ATP10B: variants seen among roughly 807,000 people sequenced by gnomAD.
ATP10B encodes phospholipid-transporting ATPase VB.
A neutral mutation model predicts 141.2 loss-of-function variants in ATP10B; 122 were observed. That is an observed-to-expected ratio of 0.86 (90% CI 0.75 to 1.00). The LOEUF (loss-of-function observed/expected upper bound fraction) is 1.00, where lower values mean the gene tolerates loss of function less well. Ranked by LOEUF, ATP10B falls within the 50% of genes least tolerant of loss-of-function variation. ATP10B has a pLI of 0.00. For synonymous variants in ATP10B, 685 were observed against 692.0 expected, an observed-to-expected ratio of 0.99 and a Z score of 0.16; for missense variants, 1,876 against 1,825.3, an observed-to-expected ratio of 1.03 and a Z score of -0.51.
the ATP10B span, among the ~76,000 whole-genome samples, chr5:160,875,758 TA>T: frequency 1.6e-5 from 1 of 61,514 alleles, no homozygotes; most frequent in Non-Finnish European, 4.4e-5. Context: ...AAACAGACTT[TA>T]AACCAACAAA....
chr5:160,649,540 T>C (rs1192283757), intron 7 of ATP10B, among the ~76,000 whole-genome samples: 2 of 152,214 alleles, frequency 1.3e-5, no homozygotes, highest in Non-Finnish European at 2.9e-5. Flanking sequence ...CTAATAGAAC[T>C]TACTGCAATG....
At chr5:160,771,986 T>G (rs1362423144) in intron 2 of ATP10B, among the ~76,000 whole-genome samples, 2 of 152,258 alleles carry the variant, frequency 1.3e-5, no homozygotes, top group Non-Finnish European at 2.9e-5. Flanking sequence ...GGGAAGCCCC[T>G]CCAAGGGCTT....
intron 6 of ATP10B, among the ~76,000 whole-genome samples, chr5:160,672,899 C>G (rs527651612): frequency 1.4e-4 from 21 of 152,346 alleles, no homozygotes; most frequent in African/African-American, 4.3e-4. Context: ...GACAAGTCTT[C>G]CTAAGATCCA....
chr5:160,777,933 G>GA (rs929583454), intron 2 of ATP10B, among the ~76,000 whole-genome samples: 1 of 151,702 alleles, frequency 6.6e-6, no homozygotes, highest in African/African-American at 2.4e-5. Context: ...AGTAACAGGT[G>GA]AAAAAAACCA....
intron 9 of ATP10B, among the ~76,000 whole-genome samples, chr5:160,642,464 G>C (rs1759941220): frequency 6.6e-6 from 1 of 152,114 alleles, no homozygotes; most frequent in African/African-American, 2.4e-5. Flanking sequence ...GCTCTCACCA[G>C]GAGTGATTTT....
chr5:160,656,375 G>A (rs1761491406), intron 7 of ATP10B, among the ~76,000 whole-genome samples: 1 of 152,160 alleles, frequency 6.6e-6, no homozygotes, highest in South Asian at 2.1e-4. Flanking sequence ...TGACTCAAGG[G>A]AGGAAAAGAA....
At chr5:160,800,138 C>A (rs536208846) in intron 1 of ATP10B, among the ~76,000 whole-genome samples, 71 of 152,238 alleles carry the variant, frequency 4.7e-4, no homozygotes, top group African/African-American at 1.5e-3. Context: ...TTGGCTGGTA[C>A]TTCATATACA....
intron 6 of ATP10B, among the ~76,000 whole-genome samples, chr5:160,675,857 A>C (rs558336260): frequency 6.8e-4 from 83 of 121,450 alleles, no homozygotes; most frequent in Admixed American, 3.0e-3. Context: ...AGCTGAGGCC[A>C]GAGAAGCAGG....
chr5:160,632,293 AG>A lies in ATP10B; in HGVS notation c.1455del (p.Ser486ArgfsTer11). On this transcript the variant is annotated frameshift_variant, in exon 13 of 26. Transcript: ENST00000327245. LOFTEE classifies it high-confidence loss of function. Reference sequence around the variant, plus strand: ...GCTGGATCCTGGGCCCATCTAGCCGAGAAGGACAGGCATTGGTATTGGGTCC... The same window carrying A: ...GCTGGATCCTGGGCCCATCTAGCCGAAAGGACAGGCATTGGTATTGGGTCC... ...EEWTQYQCLS[F>X]SARWAQDPAT... 6.2e-7 allele frequency: 1 copy of A among 1,614,168 alleles called. No homozygotes were observed. Among genetic ancestry groups the A allele is most frequent in the Non-Finnish European group, 8.5e-7 (1 of 1,180,020 alleles).
the ATP10B span, among the ~76,000 whole-genome samples, chr5:160,911,231 C>T: frequency 6.6e-6 from 1 of 152,140 alleles, no homozygotes; most frequent in Non-Finnish European, 1.5e-5. Flanking sequence ...GCTCAGAGGA[C>T]AAAGGAGATA....
chr5:160,624,347 G>T (rs1758504277), intron 13 of ATP10B, among the ~76,000 whole-genome samples: 1 of 152,132 alleles, frequency 6.6e-6, no homozygotes, highest in Non-Finnish European at 1.5e-5. Flanking sequence ...TACCCCACAA[G>T]AATGGAGCAC....
Position 160,620,404 on chromosome 5 carries a change from C to T in ATP10B, c.2359G>A (p.Val787Ile), listed in dbSNP as rs1239590908. 9 of 1,613,978 alleles carry T rather than the reference C, an allele frequency of 5.6e-6. No individual in the cohort carries two copies. Among genetic ancestry groups the T allele is most frequent in the African/African-American group, 1.3e-5 (1 of 74,936 alleles). ...ACCGAGTCAGCACCCTTGGTGTAGA[C>T]AACAATCTCGCCAGTCAGTGGGTGC... ...VRHPLTGEIV[V>I]YTKGADSVIM... The change falls in exon 15 of 26, where the codon GTC becomes ATC. Residue 787 changes from valine to isoleucine, a missense_variant. By Grantham distance (29) the Val-to-Ile change is conservative. Coordinates refer to ENST00000327245, the MANE Select transcript of ATP10B (RefSeq NM_025153.3).
chr5:160,863,112 G>A, the ATP10B span, among the ~76,000 whole-genome samples: 1 of 152,050 alleles, frequency 6.6e-6, no homozygotes. Context: ...CATTGGAACA[G>A]GTTCACTTTA....
At chr5:160,792,788 G>A (rs1771677628) in intron 1 of ATP10B, among the ~76,000 whole-genome samples, 1 of 152,178 alleles carries the variant, frequency 6.6e-6, no homozygotes, top group Admixed American at 6.5e-5. Flanking sequence ...TCATCCACAT[G>A]ATCAATGTAA....
chr5:160,843,882 A>C (rs1219964466), intron 1 of ATP10B, among the ~76,000 whole-genome samples: 5 of 152,038 alleles, frequency 3.3e-5, no homozygotes, highest in Non-Finnish European at 7.4e-5. Flanking sequence ...TTTTAGCTTT[A>C]AAATTTTATA....
intron 24 of ATP10B, 86 bp from the exon 25 acceptor site, chr5:160,569,769 C>G: frequency 8.6e-7 from 1 of 1,159,162 alleles, no homozygotes; most frequent in Non-Finnish European, 1.2e-6. Flanking sequence ...AACTTTGTTT[C>G]AAACTATTTT....
the ATP10B span, among the ~76,000 whole-genome samples, chr5:160,861,371 TTGA>T: frequency 1.3e-5 from 2 of 151,878 alleles, no homozygotes; most frequent in East Asian, 3.9e-4. Context: ...AATAAATATT[TTGA>T]TGATTATGGA....
chr5:160,635,826 G>GTGGAGCGAGAGTCTCTC (rs1759324941), intron 11 of ATP10B, among the ~76,000 whole-genome samples: 1 of 152,156 alleles, frequency 6.6e-6, no homozygotes, highest in Non-Finnish European at 1.5e-5. Flanking sequence ...AGAGTTCTCT[G>GTGGAGCGAGAGTCTCTC]TCGCTCACTG....
At chr5:160,588,487 T>A (rs948391644) in intron 24 of ATP10B, among the ~76,000 whole-genome samples, 3 of 152,188 alleles carry the variant, frequency 2.0e-5, no homozygotes, top group Non-Finnish European at 4.4e-5. Flanking sequence ...TGCTTGTACT[T>A]CCAGAAAGCC....
Sources: gnomAD v4.1 joint callset for allele counts (sites outside exome capture counted in the v4.1 genomes callset) on GRCh38, gnomAD v4.1.1 for gene constraint, MANE v1.5 for transcripts, NCBI Gene and HGNC (gene_info 2026-07-23, HGNC 2026-07-21) for gene names.